Variants in CACNA1G observed in about 807,000 individuals in gnomAD.
CACNA1G encodes the protein calcium voltage-gated channel subunit alpha1 G.
Under a neutral mutation model 219.4 loss-of-function variants are expected in CACNA1G, and 67 were observed. That is an observed-to-expected ratio of 0.31 (90% CI 0.25 to 0.37). CACNA1G has a LOEUF of 0.37. Ranked by LOEUF, CACNA1G falls within the 10% of genes least tolerant of loss-of-function variation. The pLI is 1.00. For missense variants in CACNA1G, 2,380 were observed against 3,231.4 expected (o/e 0.74, Z 6.39); for synonymous variants, 1,296 against 1,345.3 (o/e 0.96, Z 0.80).
Position 50,604,143 on chromosome 17 carries a change from TC to T in CACNA1G, c.4170-8del. On this transcript the variant is annotated splice_polypyrimidine_tract_variant and intron_variant, in intron 21 of 37. Transcript: ENST00000359106. ...GGGGAAGCCTTATCACCTCCCTCCC[TC>T]CCCTCCCCAGGGTGATCAGCCGGGC... 2 of 1,608,538 alleles carry T rather than the reference TC, an allele frequency of 1.2e-6. No individual in the cohort carries two copies. Among genetic ancestry groups the T allele is most frequent in the Non-Finnish European group, 1.7e-6 (2 of 1,176,114 alleles).
chr17:50,586,563 C>T (rs1304639318), intron 9 of CACNA1G, among the ~76,000 whole-genome samples: 2 of 152,206 alleles, frequency 1.3e-5, no homozygotes, highest in African/African-American at 2.4e-5. Flanking sequence ...TTGCAGATAT[C>T]GGTCCTGCCT....
At chr17:50,573,206 T>A in intron 7 of CACNA1G, 93 bp downstream of exon 7, 1 of 902,552 alleles carries the variant, frequency 1.1e-6, no homozygotes, top group Non-Finnish European at 1.8e-6. Flanking sequence ...CTGTCTGAAG[T>A]TTTTAGCTCT....
At chr17:50,580,575 C>T (rs2041735041) in intron 9 of CACNA1G, among the ~76,000 whole-genome samples, 1 of 152,172 alleles carries the variant, frequency 6.6e-6, no homozygotes, top group African/African-American at 2.4e-5. Flanking sequence ...AGAAGGACGC[C>T]CCTTTGGAGA....
At position 50,561,666 on chromosome 17, in the gene CACNA1G, C is replaced by G; in HGVS notation, c.207C>G (p.Arg69=). The change falls in exon 1 of 38, where the codon CGC becomes CGG. Residue 69 remains arginine, a synonymous_variant. Coordinates refer to ENST00000359106, the MANE Select transcript of CACNA1G (RefSeq NM_018896.5). ...VVFFYLSQDS[R]PRSWCLRTVC... Reference sequence around the variant, plus strand: ...TCTTCTACTTGAGCCAGGACAGCCGCCCGCGGAGCTGGTGTCTCCGCACGG... The same window carrying G: ...TCTTCTACTTGAGCCAGGACAGCCGGCCGCGGAGCTGGTGTCTCCGCACGG... 1 of 1,606,204 alleles carries G rather than the reference C, an allele frequency of 6.2e-7. No homozygotes were observed.
intron 13 of CACNA1G, among the ~76,000 whole-genome samples, chr17:50,593,113 G>A (rs1347443562): frequency 6.6e-6 from 1 of 152,160 alleles, no homozygotes; most frequent in African/African-American, 2.4e-5. Flanking sequence ...GGCAGCTGGT[G>A]GGGGAGGCTT....
At chr17:50,572,924 G>T in intron 6 of CACNA1G, 70 bp downstream of exon 6, 1 of 1,579,410 alleles carries the variant, frequency 6.3e-7, no homozygotes, top group Non-Finnish European at 8.6e-7. Context: ...GATCGGAGTG[G>T]TCGCTCTCAG....
chr17:50,601,286 C>T (rs975322255), intron 19 of CACNA1G, 112 bp downstream of exon 19: 2 of 1,341,124 alleles, frequency 1.5e-6, no homozygotes, highest in African/African-American at 1.4e-5. Context: ...CAGCAGGGAA[C>T]GAGGGGGCCA....
Position 50,626,043 on chromosome 17 carries a change from C to T in CACNA1G, c.6426C>T (p.Asp2142=), listed in dbSNP as rs764282916. ...CAGCAATAAGGACTGACTCCTTGGACGTTCAGGGTCTGGGCAGCCGGGAAG... is the reference window on the plus strand; with the variant it reads ...CAGCAATAAGGACTGACTCCTTGGATGTTCAGGGTCTGGGCAGCCGGGAAG... ...RQAAIRTDSL[D]VQGLGSREDL... is the part of the protein sequence containing the mutation. The change falls in exon 38 of 38, where the codon GAC becomes GAT. Residue 2142 remains aspartate (D), a synonymous_variant. Coordinates refer to ENST00000359106, the MANE Select transcript of CACNA1G (RefSeq NM_018896.5). The surrounding 1 kb of genome is among the most constrained non-coding windows in gnomAD (Gnocchi z 4.3). 5.0e-6 allele frequency: 8 copies of T among 1,612,116 alleles called. No individual in the cohort carries two copies. The highest frequency in any genetic ancestry group is 1.1e-5 in the South Asian group (1 of 90,950).
intron 9 of CACNA1G, among the ~76,000 whole-genome samples, chr17:50,583,926 C>A (rs944863346): frequency 1.4e-4 from 22 of 152,036 alleles, no homozygotes; most frequent in African/African-American, 5.3e-4. Context: ...CCAAGTAAGG[C>A]CATAGCTATG....
chr17:50,581,081 C>T (rs2041860221), intron 9 of CACNA1G, among the ~76,000 whole-genome samples: 1 of 141,048 alleles, frequency 7.1e-6, no homozygotes, highest in East Asian at 2.1e-4. Context: ...GACAGAGGCA[C>T]GGAGGGCAAG....
intron 25 of CACNA1G, among the ~76,000 whole-genome samples, chr17:50,608,401 C>A (rs1428894013): frequency 6.6e-6 from 1 of 151,050 alleles, no homozygotes; most frequent in African/African-American, 2.4e-5. Context: ...AGCATCTCAA[C>A]CCTGCACCCA....
intron 9 of CACNA1G, among the ~76,000 whole-genome samples, chr17:50,582,175 G>C (rs373884463): frequency 6.6e-6 from 1 of 152,264 alleles, no homozygotes; most frequent in African/African-American, 2.4e-5. Flanking sequence ...AGAGGGATAC[G>C]TGGAGGAGGA....
chr17:50,593,213 C>A (rs989331571), intron 13 of CACNA1G, among the ~76,000 whole-genome samples: 7 of 152,104 alleles, frequency 4.6e-5, no homozygotes, highest in African/African-American at 7.2e-5. Context: ...TCCCTGAGGC[C>A]TGAAGAATTA....
At chr17:50,625,247 C>T (rs541319478) in intron 37 of CACNA1G, among the ~76,000 whole-genome samples, 187 of 152,344 alleles carry the variant, frequency 1.2e-3, no homozygotes, top group African/African-American at 4.3e-3. Flanking sequence ...CCACCGCGCC[C>T]GGCCCCAGAG....
At chr17:50,587,628 A>G (rs1262888021) in intron 9 of CACNA1G, among the ~76,000 whole-genome samples, 2 of 152,196 alleles carry the variant, frequency 1.3e-5, no homozygotes, top group South Asian at 2.1e-4. Flanking sequence ...CATTTACCCT[A>G]AGTGTTGCAG....
intron 16 of CACNA1G, among the ~76,000 whole-genome samples, chr17:50,598,580 AG>A (rs1302660473): frequency 6.6e-6 from 1 of 152,224 alleles, no homozygotes; most frequent in African/African-American, 2.4e-5. Context: ...ACAGGACACA[AG>A]GGTTCCCTTT....
chr17:50,602,768 C>T, intron 19 of CACNA1G, 52 bp from the exon 20 acceptor site: 1 of 1,567,912 alleles, frequency 6.4e-7, no homozygotes, highest in Admixed American at 1.7e-5. Flanking sequence ...GCAGACCTGG[C>T]CCAAGGGTGG....
chr17:50,606,111 G>A, intron 23 of CACNA1G, 88 bp downstream of exon 23: 1 of 1,554,598 alleles, frequency 6.4e-7, no homozygotes, highest in Non-Finnish European at 8.9e-7. Flanking sequence ...TGACTCCGGT[G>A]GAGGTGGGCT....
In CACNA1G at chr17:50,578,469, T is replaced by C; in HGVS notation, c.2206T>C (p.Phe736Leu). ...LAFWRLICDT[F>L]RKIVDSKYFG... ...CTTCTGGAGGCTAATCTGTGACACC[T>C]TCCGAAAGATTGTGGACAGCAAGTA... is the stretch of plus-strand genomic sequence containing the variant. Residue 736 changes from phenylalanine (F) to leucine (L), a missense_variant, in exon 9 of 38, where the codon TTC (phenylalanine) becomes CTC (leucine). Physicochemically the swap from Phe to Leu is conservative, Grantham distance 22. Coordinates refer to ENST00000359106, the MANE Select transcript of CACNA1G (RefSeq NM_018896.5). The surrounding 1 kb of genome is among the most constrained non-coding windows in gnomAD (Gnocchi z 4.5). 3.1e-6 allele frequency: 5 copies of C among 1,594,478 alleles called. No homozygotes were observed. The highest frequency in any genetic ancestry group is 4.3e-6 in the Non-Finnish European group (5 of 1,168,208).
Sources: gnomAD v4.1 joint callset for allele counts (sites outside exome capture counted in the v4.1 genomes callset) on GRCh38, gnomAD v4.1.1 for gene constraint, Gnocchi (gnomAD v3.1) non-coding constraint, MANE v1.5 for transcripts, NCBI Gene and HGNC (gene_info 2026-07-23, HGNC 2026-07-21) for gene names.